Variants in TMEFF2 observed in about 807,000 individuals in gnomAD.
TMEFF2 encodes tomoregulin-2.
A neutral mutation model predicts 53.8 loss-of-function variants in TMEFF2; 28 were observed. The ratio of observed to expected loss-of-function variants is 0.52; its 90% CI spans 0.39 to 0.71. TMEFF2 has a LOEUF of 0.71. Among genes scored for constraint, TMEFF2 ranks in the 30% least tolerant of loss-of-function variants. The pLI is 0.00. For synonymous variants in TMEFF2, 162 were observed against 166.3 expected, an observed-to-expected ratio of 0.97 and a Z score of 0.20; for missense variants, 353 against 455.2, an observed-to-expected ratio of 0.78 and a Z score of 2.04.
At chr2:192,046,865 T>G (rs1470915079) in intron 5 of TMEFF2, among the ~76,000 whole-genome samples, 7 of 152,116 alleles carry the variant, frequency 4.6e-5, no homozygotes, top group Non-Finnish European at 1.0e-4. Context: ...TGATGTTATA[T>G]TTGAATATCC....
chr2:192,040,318 C>T (rs1256470016), intron 5 of TMEFF2, among the ~76,000 whole-genome samples: 1 of 152,048 alleles, frequency 6.6e-6, no homozygotes, highest in East Asian at 1.9e-4. Flanking sequence ...ATTCTTCCTT[C>T]TCCTCAACAT....
chr2:191,950,133 A>G lies in TMEFF2; in HGVS notation c.*178T>C. 1.4e-6 allele frequency: 2 copies of G among 1,379,410 alleles called. No individual in the cohort carries two copies. The highest frequency in any genetic ancestry group is 1.9e-6 in the Non-Finnish European group (2 of 1,067,464). 85.4% of individuals were successfully genotyped at this position (1,379,410 alleles called of 1,614,324 possible). ...CAGAAAAAACATCAAGACAATGTATACTATTTCAAATATATCCATACATAA... is the reference window on the plus strand; with the variant it reads ...CAGAAAAAACATCAAGACAATGTATGCTATTTCAAATATATCCATACATAA... On this transcript the variant is annotated 3_prime_UTR_variant, in exon 10 of 10. Transcript: ENST00000272771.
At chr2:192,012,855 A>T (rs1003779615) in intron 5 of TMEFF2, among the ~76,000 whole-genome samples, 1 of 152,192 alleles carries the variant, frequency 6.6e-6, no homozygotes, top group African/African-American at 2.4e-5. Context: ...GGTATAGAAA[A>T]ATTAGTAAAA....
chr2:192,156,752 C>T (rs1430447049), intron 4 of TMEFF2, among the ~76,000 whole-genome samples: 5 of 151,980 alleles, frequency 3.3e-5, no homozygotes, highest in Admixed American at 6.6e-5. Flanking sequence ...CTTAAAGTGT[C>T]TCTCTCACCT....
At chr2:192,021,188 T>C (rs1396512193) in intron 5 of TMEFF2, among the ~76,000 whole-genome samples, 1 of 152,040 alleles carries the variant, frequency 6.6e-6, no homozygotes, top group Non-Finnish European at 1.5e-5. Context: ...GACACTTACT[T>C]ACTCAATTTT....
chr2:191,964,932 C>T (rs1692427318), intron 7 of TMEFF2, among the ~76,000 whole-genome samples: 1 of 152,100 alleles, frequency 6.6e-6, no homozygotes, highest in Non-Finnish European at 1.5e-5. Flanking sequence ...CCACCCAGTT[C>T]TTGTTCTTTT....
At chr2:192,045,097 G>A (rs1687583096) in intron 5 of TMEFF2, among the ~76,000 whole-genome samples, 1 of 152,182 alleles carries the variant, frequency 6.6e-6, no homozygotes, top group Non-Finnish European at 1.5e-5. Flanking sequence ...AGCTCCTTGT[G>A]ATCAGTTGAT....
intron 5 of TMEFF2, among the ~76,000 whole-genome samples, chr2:192,040,443 T>C (rs780596880): frequency 6.6e-5 from 10 of 152,254 alleles, no homozygotes; most frequent in Non-Finnish European, 1.3e-4. Flanking sequence ...CTGTGCTTTC[T>C]AAAGAGGTGA....
intron 4 of TMEFF2, among the ~76,000 whole-genome samples, chr2:192,131,663 C>CT (rs1185101454): frequency 6.6e-6 from 1 of 152,144 alleles, no homozygotes; most frequent in Non-Finnish European, 1.5e-5. Context: ...TGTCTCTACT[C>CT]TTTTCCCTGG....
chr2:192,184,462 C>T lies in TMEFF2; in HGVS notation c.304G>A (p.Val102Met). ...QFKCNNDYVP[V>M]CGSNGESYQN... ...TAGCTCTCCCCATTGGAGCCACACA[C>T]AGGCACATAGTCATTGTTGCACTGG... is the stretch of plus-strand genomic sequence containing the variant. The change falls in exon 3 of 10, where the codon GTG becomes ATG. Residue 102 changes from valine to methionine, a missense_variant. By Grantham distance (21) the Val-to-Met change is conservative. Coordinates refer to ENST00000272771, the MANE Select transcript of TMEFF2 (RefSeq NM_016192.4). The T allele has an allele frequency of 6.2e-7, 1 of 1,613,284 alleles. No homozygotes were observed. Among genetic ancestry groups the T allele is most frequent in the South Asian group, 1.1e-5 (1 of 91,064 alleles).
At chr2:192,070,898 A>G (rs1474479968) in intron 4 of TMEFF2, among the ~76,000 whole-genome samples, 1 of 151,852 alleles carries the variant, frequency 6.6e-6, no homozygotes, top group African/African-American at 2.4e-5. Context: ...GCAAGTTTGC[A>G]TTTCCTAGGT....
Position 191,949,113 on chromosome 2 carries a change from AATG to A in TMEFF2, c.*1195_*1197del. On this transcript the variant is annotated 3_prime_UTR_variant, in exon 10 of 10. Transcript: ENST00000272771. ...AGCCATGGAAAGCTTTGCAGAGCTA[AATG>A]ATAATAATTGATTTATTTTCATCTT... The A allele has an allele frequency of 2.0e-6, 2 of 985,150 alleles. No individual in the cohort carries two copies. The highest frequency in any genetic ancestry group is 2.4e-6 in the Non-Finnish European group (2 of 829,736). 61.0% of individuals were successfully genotyped at this position (985,150 alleles called of 1,614,324 possible).
intron 5 of TMEFF2, among the ~76,000 whole-genome samples, chr2:192,012,351 T>C (rs1686650550): frequency 6.6e-6 from 1 of 152,238 alleles, no homozygotes; most frequent in Non-Finnish European, 1.5e-5. Flanking sequence ...TTTTGTTGTG[T>C]CTCTGAATAG....
At chr2:192,170,337 C>A (rs945638155) in intron 4 of TMEFF2, among the ~76,000 whole-genome samples, 1 of 152,084 alleles carries the variant, frequency 6.6e-6, no homozygotes, top group African/African-American at 2.4e-5. Context: ...GTCAGCATAT[C>A]TGTAATGACT....
At chr2:192,185,257 CAG>C (rs1559162672) in intron 2 of TMEFF2, among the ~76,000 whole-genome samples, 1 of 152,004 alleles carries the variant, frequency 6.6e-6, no homozygotes, top group Non-Finnish European at 1.5e-5. Flanking sequence ...AGGCAACCAA[CAG>C]GGTATAGTCA....
chr2:192,151,434 A>G (rs1218182777), intron 4 of TMEFF2, among the ~76,000 whole-genome samples: 1 of 151,924 alleles, frequency 6.6e-6, no homozygotes, highest in Non-Finnish European at 1.5e-5. Flanking sequence ...AGAAAAATCA[A>G]GAGTTGCATT....
intron 2 of TMEFF2, among the ~76,000 whole-genome samples, chr2:192,186,088 G>A (rs6434541): frequency 0.88 from 134,391 of 152,124 alleles, 59,507 homozygotes; most frequent in East Asian, 1. Context: ...TTCCACAGTT[G>A]CATTTTTGTC....
At chr2:192,119,899 C>T (rs895329994) in intron 4 of TMEFF2, among the ~76,000 whole-genome samples, 2 of 152,140 alleles carry the variant, frequency 1.3e-5, no homozygotes, top group Admixed American at 1.3e-4. Flanking sequence ...TTAAAGCCAA[C>T]CTGGGTTAAA....
At chr2:191,954,410 G>A (rs1334965191) in intron 8 of TMEFF2, among the ~76,000 whole-genome samples, 1 of 151,882 alleles carries the variant, frequency 6.6e-6, no homozygotes, top group Non-Finnish European at 1.5e-5. Context: ...TGTTTTTGGT[G>A]ACAATATAGA....
Sources: allele counts gnomAD v4.1 joint callset (sites outside exome capture counted in the v4.1 genomes callset), GRCh38; gene constraint gnomAD v4.1.1; transcripts MANE v1.5; gene names NCBI Gene and HGNC (gene_info 2026-07-23, HGNC 2026-07-21).